The following ATP9B variants were observed in gnomAD, a reference collection of about 807,000 sequenced individuals.
ATP9B encodes ATPase phospholipid transporting 9B.
Under a neutral mutation model 146.1 loss-of-function variants are expected in ATP9B, and 110 were observed. The ratio of observed to expected loss-of-function variants is 0.75; its 90% CI spans 0.65 to 0.88. The LOEUF is 0.88. ATP9B is among the 40% of genes least tolerant of loss of function. The pLI is 0.00. For missense variants in ATP9B, 1,499 were observed against 1,496.4 expected (o/e 1.00, Z -0.03); for synonymous variants, 604 against 569.7 (o/e 1.06, Z -0.86).
At position 79,118,409 on chromosome 18, in the gene ATP9B, T is replaced by G. The variant is rs868530286; in HGVS notation, c.558+5055T>G. Among the ~76,000 whole-genome samples the G allele has an allele frequency of 6.2e-3, 840 of 135,792 alleles. 28 individuals carry two copies. Among genetic ancestry groups the G allele is most frequent in the African/African-American group, 0.022 (804 of 36,434 alleles). 89.1% of individuals were successfully genotyped at this position (135,792 alleles called of 152,430 possible). A position where few individuals can be genotyped will look rare whatever the true frequency, so the allele number is the denominator to read the frequency against. On this transcript the variant is annotated intron_variant, in intron 4 of 29. Coordinates refer to ENST00000426216, the MANE Select transcript of ATP9B (RefSeq NM_198531.5). ...GTTTTTGTTTTTTTTTTTTTTTTTT[T>G]TTTTTTTTTGAGACAGAGTCTTGGT...
At chr18:79,086,461 A>AG (rs1410451897) in intron 1 of ATP9B, 19 of 146,258 alleles carry the variant, frequency 1.3e-4, no homozygotes, top group Non-Finnish European at 2.0e-4. Flanking sequence ...AAAAAGATAA[A>AG]ATCTCAAGTT....
At chr18:79,172,236 A>G (rs1195939770) in intron 7 of ATP9B, among the ~76,000 whole-genome samples, 2 of 125,904 alleles carry the variant, frequency 1.6e-5, no homozygotes, top group Admixed American at 7.7e-5. Flanking sequence ...TGGCCTCCCA[A>G]GGTGCTGTGA....
At chr18:79,306,635 T>C (rs563600168) in intron 14 of ATP9B, among the ~76,000 whole-genome samples, 1 of 152,244 alleles carries the variant, frequency 6.6e-6, no homozygotes, top group Non-Finnish European at 1.5e-5. Context: ...CATTTCATTT[T>C]GTTCTTTAAT....
intron 2 of ATP9B, among the ~76,000 whole-genome samples, chr18:79,105,200 T>C (rs571042446): frequency 3.9e-5 from 6 of 152,240 alleles, no homozygotes; most frequent in Non-Finnish European, 7.3e-5. Context: ...AGATTGGTCT[T>C]CTTTGTTTCT....
At chr18:79,086,736 G>T (rs972289535) in intron 1 of ATP9B, among the ~76,000 whole-genome samples, 2 of 152,030 alleles carry the variant, frequency 1.3e-5, no homozygotes, top group Non-Finnish European at 2.9e-5. Context: ...TCAAGAAATT[G>T]GTGTTCAGTT....
chr18:79,124,069 A>G lies in ATP9B; in HGVS notation c.559-2198A>G, dbSNP rs117867966. 5.9e-5 allele frequency among the ~76,000 whole-genome samples: 9 copies of G among 152,290 alleles called. No homozygotes were observed. In the South Asian group the frequency reaches 6.2e-4, roughly 11 times the overall value. On this transcript the variant is annotated intron_variant, in intron 4 of 29. Coordinates refer to ENST00000426216, the MANE Select transcript of ATP9B (RefSeq NM_198531.5). ...CTCATTAGTTGCTGGCAGGAATGTA[A>G]AGTGGTGCAGCCACTTTGAGGAGCA...
chr18:79,346,775 C>T (rs2096891253), intron 23 of ATP9B, among the ~76,000 whole-genome samples: 2 of 152,226 alleles, frequency 1.3e-5, no homozygotes, highest in South Asian at 2.1e-4. Flanking sequence ...TTGGTCGGCA[C>T]AGTCAGCACA....
chr18:79,322,933 T>A (rs895854230), intron 15 of ATP9B, among the ~76,000 whole-genome samples: 6 of 152,220 alleles, frequency 3.9e-5, no homozygotes, highest in African/African-American at 1.4e-4. Context: ...AGTCTTGCTT[T>A]ATGTTTTATG....
At chr18:79,071,568 A>T (rs749429201) in intron 1 of ATP9B, among the ~76,000 whole-genome samples, 4 of 151,238 alleles carry the variant, frequency 2.6e-5, no homozygotes, top group Non-Finnish European at 4.4e-5. Context: ...ATTTTTTTTG[A>T]AGAGACAGCA....
intron 1 of ATP9B, among the ~76,000 whole-genome samples, chr18:79,077,439 C>T (rs1370071255): frequency 2.6e-5 from 4 of 152,200 alleles, no homozygotes; most frequent in African/African-American, 9.7e-5. Context: ...TACTGCATGC[C>T]TGTGGCCTCC....
At chr18:79,312,632 T>TA (rs1208732763) in intron 15 of ATP9B, among the ~76,000 whole-genome samples, 2 of 152,200 alleles carry the variant, frequency 1.3e-5, no homozygotes, top group Non-Finnish European at 2.9e-5. Flanking sequence ...GAGCGAACCT[T>TA]GGCTGTGTGG....
At chr18:79,093,807 T>A (rs1449223678) in intron 1 of ATP9B, among the ~76,000 whole-genome samples, 1 of 152,242 alleles carries the variant, frequency 6.6e-6, no homozygotes, top group East Asian at 1.9e-4. Flanking sequence ...AAAAAAGAAC[T>A]TCTGTTTTTC....
intron 1 of ATP9B, among the ~76,000 whole-genome samples, chr18:79,075,910 C>T (rs1053909249): frequency 1.4e-4 from 21 of 152,060 alleles, no homozygotes; most frequent in Non-Finnish European, 2.6e-4. Flanking sequence ...TTATCTATAG[C>T]GTTCTTCAGT....
At chr18:79,227,702 C>G (rs1417973639) in intron 11 of ATP9B, among the ~76,000 whole-genome samples, 3 of 152,220 alleles carry the variant, frequency 2.0e-5, no homozygotes, top group Non-Finnish European at 4.4e-5. Context: ...TCACCTCCCC[C>G]CGACTGTTCT....
rs2097109543 is a variant in ATP9B at position 79,377,683 on chromosome 18, C to T, written c.*300C>T. 2.4e-6 allele frequency: 1 copy of T among 410,786 alleles called. No homozygotes were observed. Among genetic ancestry groups the T allele is most frequent in the Non-Finnish European group, 4.5e-6 (1 of 220,134 alleles). The allele number at this position is 410,786 out of a possible 1,614,324, so 25.4% of individuals were successfully genotyped here. A position where few individuals can be genotyped will look rare whatever the true frequency, so the allele number is the denominator to read the frequency against. On this transcript the variant is annotated 3_prime_UTR_variant, in exon 30 of 30. Coordinates refer to ENST00000426216, the MANE Select transcript of ATP9B (RefSeq NM_198531.5). ...ATAGATGCTGAGACAGCCTCTCCCT[C>T]TCAGTGCAGGGACGTCACCCCTGCC...
At chr18:79,304,444 T>C (rs985924323) in intron 14 of ATP9B, among the ~76,000 whole-genome samples, 1 of 152,236 alleles carries the variant, frequency 6.6e-6, no homozygotes, top group African/African-American at 2.4e-5. Flanking sequence ...CCTTACTGGT[T>C]GAACACCTCT....
chr18:79,359,466 C>T lies in ATP9B; in HGVS notation c.3012+4C>T, dbSNP rs374654106. ...GCTGTACAAGGACCTCACCAAGGTA[C>T]GGGCCTCAGGCAAGCTGTCTGCCTC... On this transcript the variant is annotated splice_donor_region_variant and intron_variant, in intron 26 of 29. Coordinates refer to ENST00000426216, the MANE Select transcript of ATP9B (RefSeq NM_198531.5). 109 of 1,608,146 alleles carry T rather than the reference C, an allele frequency of 6.8e-5. No individual in the cohort carries two copies. Among genetic ancestry groups the T allele is most frequent in the Admixed American group, 1.5e-4 (9 of 59,968 alleles).
chr18:79,181,757 T>A (rs966632235), intron 8 of ATP9B, among the ~76,000 whole-genome samples: 1 of 152,230 alleles, frequency 6.6e-6, no homozygotes, highest in African/African-American at 2.4e-5. Context: ...CATACGTTTC[T>A]CTCATTTTTG....
chr18:79,211,187 AT>A (rs2095581012), intron 10 of ATP9B, among the ~76,000 whole-genome samples: 1 of 152,226 alleles, frequency 6.6e-6, no homozygotes, highest in Admixed American at 6.5e-5. Context: ...AAATGTTTAA[AT>A]AAAGGAGAGT....
Sources: gnomAD v4.1 joint callset for allele counts (sites outside exome capture counted in the v4.1 genomes callset) on GRCh38, gnomAD v4.1.1 for gene constraint, MANE v1.5 for transcripts, NCBI Gene and HGNC (gene_info 2026-07-23, HGNC 2026-07-21) for gene names.